ZYX: variants seen among roughly 807,000 people sequenced by gnomAD.
ZYX encodes the protein zyxin, also known as zyxin-2.
In ZYX, 37 loss-of-function variants were observed where a neutral mutation model predicts 58.1. The observed-to-expected ratio is 0.64, with a 90% CI of 0.49 to 0.84. The LOEUF (loss-of-function observed/expected upper bound fraction) is 0.84, where lower values mean the gene tolerates loss of function less well. ZYX is among the 40% of genes least tolerant of loss of function. ZYX has a pLI of 0.00. For missense variants in ZYX, 762 were observed against 761.6 expected (o/e 1.00, Z -0.01); for synonymous variants, 324 against 321.1 (o/e 1.01, Z -0.10).
rs777577259 is a variant in ZYX, at chr7:143,387,506, G to T, written c.1024-713G>T. Among the ~76,000 whole-genome samples the T allele has an allele frequency of 1.3e-5, 2 of 152,258 alleles. No individual in the cohort carries two copies. Among genetic ancestry groups the T allele is most frequent in the South Asian group, 4.1e-4 (2 of 4,830 alleles). ...GGAGTTCTCAGGGTTACCTCTCAGG[G>T]TTACTGGCAGCGCTGTCCTTAACAT... On this transcript the variant is annotated intron_variant, in intron 5 of 9. Coordinates refer to ENST00000322764, the MANE Select transcript of ZYX (RefSeq NM_003461.5). The surrounding 1 kb of genome is among the most constrained non-coding windows in gnomAD (Gnocchi z 5.8).
intron 5 of ZYX, among the ~76,000 whole-genome samples, chr7:143,383,780 C>A (rs368285529): frequency 2.0e-5 from 3 of 152,166 alleles, no homozygotes; most frequent in Non-Finnish European, 4.4e-5. Flanking sequence ...GCATCCACCA[C>A]GTGCCAGGCA....
In ZYX at chr7:143,383,246, A is replaced by G. The variant is rs1279632404; in HGVS notation, c.947A>G (p.Tyr316Cys). 6.2e-7 allele frequency: 1 copy of G among 1,613,924 alleles called. No homozygotes were observed. The highest frequency in any genetic ancestry group is 8.5e-7 in the Non-Finnish European group (1 of 1,180,000). The stretch of plus-strand genomic sequence containing the variant: ...TCCCCTCAACCTCCCAGCTTCACCT[A>G]TGCCCAGCAGAGGGAGAAGCCCCGA... Reference protein sequence around the residue: ...TGSPQPPSFTYAQQREKPRVQ... With the variant: ...TGSPQPPSFTCAQQREKPRVQ... Residue 316 changes from tyrosine to cysteine, a missense_variant, in exon 5 of 10, where the codon TAT becomes TGT. Transcript: ENST00000322764.
Position 143,390,540 on chromosome 7 carries a change from C to CT in ZYX, c.1615-36dup, listed in dbSNP as rs1805032081. The CT allele has an allele frequency of 6.8e-7, 1 of 1,468,900 alleles. No individual in the cohort carries two copies. The allele number at this position is 1,468,900 out of a possible 1,614,324, so 91.0% of individuals were successfully genotyped here. A position where few individuals can be genotyped will look rare whatever the true frequency, so the allele number is the denominator to read the frequency against. On this transcript the variant is annotated intron_variant, in intron 9 of 9. Coordinates refer to ENST00000322764, the MANE Select transcript of ZYX (RefSeq NM_003461.5). This position sits in a 1 kb window ranked among gnomAD's most constrained non-coding sequence, Gnocchi z 4.3. ...GGGTAGGGTGGAGCAGAGCAGGGGC[C>CT]TTCCGGTCCAGTGCCCCTCACCCTT...
At position 143,382,940 on chromosome 7, in the gene ZYX, C is replaced by T; in HGVS notation, c.641C>T (p.Ala214Val). Reference sequence around the variant, plus strand: ...TCCCAGCCTCTGCCCCAGGTTCCGGCTCCGGCTCAGAGCCAGACACAGTTC... The same window carrying T: ...TCCCAGCCTCTGCCCCAGGTTCCGGTTCCGGCTCAGAGCCAGACACAGTTC... ...SSSQPLPQVP[A>V]PAQSQTQFHV... is the part of the protein sequence containing the mutation. The change falls in exon 5 of 10, where the codon GCT becomes GTT. Residue 214 changes from alanine (A) to valine (V), a missense_variant. Ala to Val is a moderately conservative substitution (Grantham distance 64, BLOSUM62 0). Transcript: ENST00000322764. 1 of 1,614,012 alleles carries T rather than the reference C, an allele frequency of 6.2e-7. No individual in the cohort carries two copies.
rs1380902453 is a variant in ZYX, at chr7:143,387,873, C to G, written c.1024-346C>G. Reference sequence around the variant, plus strand: ...CCGAGCATGCTCTGTGGAGTTGATGCGTGGCCCTGGAGTGTCCGGTGCTTC... The same window carrying G: ...CCGAGCATGCTCTGTGGAGTTGATGGGTGGCCCTGGAGTGTCCGGTGCTTC... On this transcript the variant is annotated intron_variant, in intron 5 of 9. Transcript: ENST00000322764. This position sits in a 1 kb window ranked among gnomAD's most constrained non-coding sequence, Gnocchi z 5.8. The G allele has an allele frequency of 2.0e-6, 1 of 494,230 alleles. No individual in the cohort carries two copies. The highest frequency in any genetic ancestry group is 2.0e-5 in the African/African-American group (1 of 51,272). The allele number at this position is 494,230 out of a possible 1,614,324, so 30.6% of individuals were successfully genotyped here.
intron 5 of ZYX, among the ~76,000 whole-genome samples, chr7:143,385,692 C>T (rs1180441559): frequency 2.2e-4 from 15 of 67,024 alleles, no homozygotes; most frequent in African/African-American, 7.4e-4. Flanking sequence ...TTTTTGGAGA[C>T]GGAGTGCAGG....
At chr7:143,383,430 G>T in intron 5 of ZYX, 108 bp downstream of exon 5, 2 of 1,358,374 alleles carry the variant, frequency 1.5e-6, no homozygotes, top group Non-Finnish European at 2.0e-6. Context: ...GTGGACACGG[G>T]GGTTGCGGGG....
chr7:143,383,047 A>C lies in ZYX; in HGVS notation c.748A>C (p.Thr250Pro), dbSNP rs747986526. The C allele has an allele frequency of 6.2e-7, 1 of 1,613,854 alleles. No individual in the cohort carries two copies. Among genetic ancestry groups the C allele is most frequent in the African/African-American group, 1.3e-5 (1 of 74,960 alleles). ...SQTQPVSLAN[T>P]QPRGPPASSP... ...GACCCAGCCTGTGTCTTTGGCTAAC[A>C]CCCAGCCCCGAGGGCCCCCAGCCTC... The change falls in exon 5 of 10, where the codon ACC becomes CCC. Residue 250 changes from threonine to proline, a missense_variant. Transcript: ENST00000322764.
intron 2 of ZYX, 166 bp downstream of exon 2, chr7:143,381,945 C>T: frequency 1.3e-6 from 1 of 751,804 alleles, no homozygotes; most frequent in Non-Finnish European, 2.1e-6. Flanking sequence ...TGGCTGGGAG[C>T]CAGGGCTCCT....
intron 5 of ZYX, among the ~76,000 whole-genome samples, chr7:143,386,894 C>T (rs1168700413): frequency 6.6e-6 from 1 of 152,068 alleles, no homozygotes; most frequent in Non-Finnish European, 1.5e-5. Flanking sequence ...TGCAGGCTGG[C>T]AGAGGGGGCA....
Position 143,381,539 on chromosome 7 carries a change from C to A in ZYX, c.-15-18C>A. ...CTGAGCCCGGCTCCGCGCTGCGTAA[C>A]CCGGCGACCCACCCCAGCAGCCCGG... On this transcript the variant is annotated intron_variant, in intron 1 of 9. Transcript: ENST00000322764. The A allele has an allele frequency of 3.8e-6, 6 of 1,597,098 alleles. No individual in the cohort carries two copies. The highest frequency in any genetic ancestry group is 4.3e-6 in the Non-Finnish European group (5 of 1,171,786).
At chr7:143,386,654 G>A (rs1790919513) in intron 5 of ZYX, among the ~76,000 whole-genome samples, 1 of 149,470 alleles carries the variant, frequency 6.7e-6, no homozygotes, top group Admixed American at 6.6e-5. Context: ...AACCCTGTAG[G>A]AGTTAGATGG....
In ZYX at chr7:143,390,278, G is replaced by C. The variant is rs149346265; in HGVS notation, c.1615-300G>C. 3.7e-6 allele frequency: 2 copies of C among 546,896 alleles called. No homozygotes were observed. The highest frequency in any genetic ancestry group is 6.6e-6 in the Non-Finnish European group (2 of 304,124). The allele number at this position is 546,896 out of a possible 1,614,324, so 33.9% of individuals were successfully genotyped here. ...TAGGGGATGGGGAAACAGGAGCTGA[G>C]AGAAGAGGTCTTCGAATGGAGGTGA... On this transcript the variant is annotated intron_variant, in intron 9 of 9. Transcript: ENST00000322764. The surrounding 1 kb of genome is among the most constrained non-coding windows in gnomAD (Gnocchi z 4.3).
At chr7:143,385,486 G>A (rs756310385) in intron 5 of ZYX, among the ~76,000 whole-genome samples, 2 of 151,520 alleles carry the variant, frequency 1.3e-5, no homozygotes, top group Non-Finnish European at 2.9e-5. Context: ...ATGTGTATAT[G>A]AGTACATGTG....
chr7:143,385,619 A>G (rs1168032989), intron 5 of ZYX, among the ~76,000 whole-genome samples: 2 of 134,608 alleles, frequency 1.5e-5, no homozygotes, highest in Admixed American at 1.5e-4. Flanking sequence ...GCGTATGTGT[A>G]TATATGTGAG....
chr7:143,385,660 C>CTTTTTTTTTTTT lies in ZYX; in HGVS notation c.1023+2353_1023+2364dup, dbSNP rs59995035. Among the ~76,000 whole-genome samples, 465 of 68,970 alleles carry CTTTTTTTTTTTT rather than the reference C, an allele frequency of 6.7e-3. 56 individuals carry two copies. Among genetic ancestry groups the CTTTTTTTTTTTT allele is most frequent in the Middle Eastern group, 0.016 (1 of 64 alleles). The allele number at this position is 68,970 out of a possible 152,430, so 45.2% of individuals were successfully genotyped here. On this transcript the variant is annotated intron_variant, in intron 5 of 9. Coordinates refer to ENST00000322764, the MANE Select transcript of ZYX (RefSeq NM_003461.5). Reference sequence around the variant, plus strand: ...TGTGTGAGCGTGTGGTGTGGTATATCTTTTTTTTTTTTTTTTTTTTTTTTT... The same window carrying CTTTTTTTTTTTT: ...TGTGTGAGCGTGTGGTGTGGTATATCTTTTTTTTTTTTTTTTTTTTTTTTTTTTTTTTTTTTT...
At position 143,388,678 on chromosome 7, in the gene ZYX, G is replaced by T. The variant is rs1439000702; in HGVS notation, c.1314+20G>T. On this transcript the variant is annotated intron_variant, in intron 7 of 9. Transcript: ENST00000322764. This position sits in a 1 kb window ranked among gnomAD's most constrained non-coding sequence, Gnocchi z 7.5. ...TACACTGTGAGTCGGGCTGTGCTGG[G>T]CTGTGCTGGGCTGTGCTGGGCAGTC... 6 of 1,609,414 alleles carry T rather than the reference G, an allele frequency of 3.7e-6. No homozygotes were observed. Among genetic ancestry groups the T allele is most frequent in the Admixed American group, 1.7e-5 (1 of 59,804 alleles).
chr7:143,382,078 C>G (rs994144976), intron 2 of ZYX, 170 bp from the exon 3 acceptor site: 5 of 632,846 alleles, frequency 7.9e-6, no homozygotes, highest in Non-Finnish European at 1.1e-5. Context: ...GTGCGCCCGG[C>G]CTTTCCTGAC....
At chr7:143,386,187 C>G (rs1005858341) in intron 5 of ZYX, among the ~76,000 whole-genome samples, 1 of 151,742 alleles carries the variant, frequency 6.6e-6, no homozygotes, top group Non-Finnish European at 1.5e-5. Context: ...GTGTGTAACC[C>G]GGGGAAGCAG....
Sources: gnomAD v4.1 joint callset for allele counts (sites outside exome capture counted in the v4.1 genomes callset) on GRCh38, gnomAD v4.1.1 for gene constraint, Gnocchi (gnomAD v3.1) non-coding constraint, MANE v1.5 for transcripts, NCBI Gene and HGNC (gene_info 2026-07-23, HGNC 2026-07-21) for gene names.